PTPRK: variants seen among roughly 807,000 people sequenced by gnomAD.
PTPRK encodes the protein receptor-type tyrosine-protein phosphatase kappa.
A neutral mutation model predicts 178.0 loss-of-function variants in PTPRK; 75 were observed. That is an observed-to-expected ratio of 0.42 (90% CI 0.35 to 0.51). The LOEUF (loss-of-function observed/expected upper bound fraction) is 0.51, where lower values mean the gene tolerates loss of function less well. Among genes scored for constraint, PTPRK ranks in the 20% least tolerant of loss-of-function variants. The pLI is 0.02. For missense variants in PTPRK, 1,441 were observed against 1,797.8 expected (o/e 0.80, Z 3.59); for synonymous variants, 637 against 620.6 (o/e 1.03, Z -0.39).
intron 27 of PTPRK, among the ~76,000 whole-genome samples, chr6:127,975,874 C>T (rs1031948151): frequency 5.5e-5 from 8 of 144,664 alleles, no homozygotes; most frequent in East Asian, 1.9e-4. Context: ...GGTTTCACCA[C>T]GTTGCCAGGC....
chr6:128,467,153 C>A (rs1408963084), intron 1 of PTPRK, among the ~76,000 whole-genome samples: 1 of 152,084 alleles, frequency 6.6e-6, no homozygotes, highest in Admixed American at 6.6e-5. Context: ...GTGAGCACCA[C>A]CGCGCCCGGC....
At chr6:128,473,683 A>T (rs1003150825) in intron 1 of PTPRK, among the ~76,000 whole-genome samples, 3 of 152,016 alleles carry the variant, frequency 2.0e-5, no homozygotes, top group African/African-American at 7.2e-5. Flanking sequence ...GAGAACTTTC[A>T]AAACTCTTAA....
intron 13 of PTPRK, among the ~76,000 whole-genome samples, chr6:128,043,104 C>T (rs547004731): frequency 6.6e-6 from 1 of 152,128 alleles, no homozygotes; most frequent in Non-Finnish European, 1.5e-5. Flanking sequence ...ATGGCATCCT[C>T]AGTTTGATGC....
intron 1 of PTPRK, among the ~76,000 whole-genome samples, chr6:128,481,134 G>GA (rs77597336): frequency 0.031 from 4,336 of 141,092 alleles, 84 homozygotes; most frequent in African/African-American, 0.048. Context: ...AGAGAGAGAG[G>GA]AAAAAAAAAA....
chr6:128,246,612 T>C (rs1815506893), intron 3 of PTPRK, among the ~76,000 whole-genome samples: 1 of 152,246 alleles, frequency 6.6e-6, no homozygotes, highest in Non-Finnish European at 1.5e-5. Context: ...TCTTCTGTCC[T>C]GTCAGGGAAA....
chr6:128,158,479 T>G (rs1798251704), intron 7 of PTPRK, among the ~76,000 whole-genome samples: 1 of 151,926 alleles, frequency 6.6e-6, no homozygotes, highest in African/African-American at 2.4e-5. Flanking sequence ...GTCTAGTTCC[T>G]ACTGACTGAG....
chr6:128,361,313 C>T (rs1014661356), intron 2 of PTPRK, among the ~76,000 whole-genome samples: 3 of 152,156 alleles, frequency 2.0e-5, no homozygotes, highest in Non-Finnish European at 4.4e-5. Context: ...TGTAACTAAA[C>T]TTCCCTTTCT....
intron 7 of PTPRK, among the ~76,000 whole-genome samples, chr6:128,168,185 T>C (rs1399040203): frequency 6.6e-6 from 1 of 152,074 alleles, no homozygotes; most frequent in Non-Finnish European, 1.5e-5. Flanking sequence ...ATCTCCCAAA[T>C]AAGCGGCAGC....
At chr6:128,499,023 G>A (rs1239898337) in intron 1 of PTPRK, among the ~76,000 whole-genome samples, 5 of 152,066 alleles carry the variant, frequency 3.3e-5, no homozygotes, top group African/African-American at 1.2e-4. Flanking sequence ...TATTTACATA[G>A]TGTTATTTTG....
intron 2 of PTPRK, among the ~76,000 whole-genome samples, chr6:128,324,340 T>C (rs1037008012): frequency 6.6e-6 from 1 of 152,132 alleles, no homozygotes; most frequent in East Asian, 1.9e-4. Flanking sequence ...AAATAAACTT[T>C]GGAGTAAAAA....
intron 3 of PTPRK, among the ~76,000 whole-genome samples, chr6:128,309,201 A>T (rs1826884094): frequency 6.6e-6 from 1 of 152,100 alleles, no homozygotes; most frequent in South Asian, 2.1e-4. Context: ...CCTTTTTAAA[A>T]ACTGAGACCA....
chr6:128,030,693 G>T (rs1775169193), intron 13 of PTPRK, among the ~76,000 whole-genome samples: 2 of 152,164 alleles, frequency 1.3e-5, no homozygotes, highest in Non-Finnish European at 2.9e-5. Context: ...GATAGCAGCT[G>T]GATTATTCTT....
intron 6 of PTPRK, among the ~76,000 whole-genome samples, chr6:128,195,813 T>C (rs1583431685): frequency 6.6e-6 from 1 of 152,170 alleles, no homozygotes; most frequent in East Asian, 1.9e-4. Flanking sequence ...AGAAAATTTG[T>C]CATTAGCTTA....
At chr6:128,518,663 C>T (rs2128447324) in intron 1 of PTPRK, among the ~76,000 whole-genome samples, 3 of 152,324 alleles carry the variant, frequency 2.0e-5, no homozygotes. Flanking sequence ...TCAATGCTAA[C>T]GGGCATTATA....
chr6:128,154,521 CA>C (rs1182982601), intron 7 of PTPRK, among the ~76,000 whole-genome samples: 1 of 151,468 alleles, frequency 6.6e-6, no homozygotes, highest in Non-Finnish European at 1.5e-5. Context: ...TAAACAACAA[CA>C]AAAAAATCAA....
intron 5 of PTPRK, among the ~76,000 whole-genome samples, chr6:128,220,992 T>TG (rs1810301753): frequency 6.6e-6 from 1 of 152,194 alleles, no homozygotes; most frequent in African/African-American, 2.4e-5. Context: ...AACAAATTTC[T>TG]GGCACTCATT....
chr6:128,014,643 T>C (rs1779403178), intron 13 of PTPRK, among the ~76,000 whole-genome samples: 1 of 151,554 alleles, frequency 6.6e-6, no homozygotes, highest in Non-Finnish European at 1.5e-5. Context: ...AAACTATGAA[T>C]AGGAAAAATG....
chr6:128,509,463 CATTT>C (rs1460232343), intron 1 of PTPRK, among the ~76,000 whole-genome samples: 4 of 151,922 alleles, frequency 2.6e-5, no homozygotes, highest in South Asian at 2.1e-4. Flanking sequence ...ATATATGAAG[CATTT>C]ATTTATTGTT....
rs965023225 is a variant in PTPRK at position 128,334,093 on chromosome 6, C to A, written c.224-11783G>T. Among the ~76,000 whole-genome samples, 3 of 152,134 alleles carry A rather than the reference C, an allele frequency of 2.0e-5. 1 individual carries two copies. In the South Asian group the frequency reaches 6.2e-4, roughly 31 times the overall value. On this transcript the variant is annotated intron_variant, in intron 2 of 29. Coordinates refer to ENST00000368226, the MANE Select transcript of PTPRK (RefSeq NM_002844.4). ...TATCAGTTAAGCTCACCATCTTATA[C>A]GGGAGCTGTTCGTGGTGCATGAAAA...
Sources: allele counts gnomAD v4.1 joint callset (sites outside exome capture counted in the v4.1 genomes callset), GRCh38; gene constraint gnomAD v4.1.1; transcripts MANE v1.5; gene names NCBI Gene and HGNC (gene_info 2026-07-23, HGNC 2026-07-21).